PRKCH: variants seen among roughly 807,000 people sequenced by gnomAD.
PRKCH encodes the protein protein kinase C eta.
PRKCH carries 28 observed loss-of-function variants against 82.5 expected under a neutral mutation model. The ratio of observed to expected loss-of-function variants is 0.34; its 90% confidence interval spans 0.25 to 0.47. The LOEUF (loss-of-function observed/expected upper bound fraction) is 0.47, where lower values mean the gene tolerates loss of function less well. Among genes scored for constraint, PRKCH ranks in the 20% least tolerant of loss-of-function variants. PRKCH has a pLI of 1.00. For missense variants in PRKCH, 705 were observed against 881.8 expected (o/e 0.80, Z 2.54); for synonymous variants, 322 against 327.4 (o/e 0.98, Z 0.18).
intron 1 of PRKCH, among the ~76,000 whole-genome samples, chr14:61,334,211 C>T (rs1372091327): frequency 6.6e-6 from 1 of 152,172 alleles, no homozygotes; most frequent in Non-Finnish European, 1.5e-5. Context: ...AAGTATCTAC[C>T]TTGTGCCTGA....
intron 1 of PRKCH, among the ~76,000 whole-genome samples, chr14:61,341,085 C>G (rs146676874): frequency 6.6e-6 from 1 of 152,294 alleles, no homozygotes; most frequent in Non-Finnish European, 1.5e-5. Flanking sequence ...GATGAGCTGT[C>G]TAAAACTCAG....
At chr14:61,391,391 G>A in intron 2 of PRKCH, 103 bp downstream of exon 2, 1 of 1,024,296 alleles carries the variant, frequency 9.8e-7, no homozygotes, top group Non-Finnish European at 1.4e-6. Context: ...TGTTGTAAGA[G>A]ATGCTTAAAA....
At chr14:61,357,233 C>A (rs1254203381) in intron 1 of PRKCH, among the ~76,000 whole-genome samples, 1 of 152,216 alleles carries the variant, frequency 6.6e-6, no homozygotes, top group Non-Finnish European at 1.5e-5. Context: ...TTCTCCCATG[C>A]TATTTAACGA....
intron 10 of PRKCH, among the ~76,000 whole-genome samples, chr14:61,522,871 G>T (rs568934941): frequency 6.6e-6 from 1 of 152,236 alleles, no homozygotes; most frequent in Admixed American, 6.5e-5. Flanking sequence ...TGGATATCTC[G>T]TGTCAGGTGA....
At chr14:61,503,707 G>T (rs1356450732) in intron 10 of PRKCH, among the ~76,000 whole-genome samples, 1 of 152,118 alleles carries the variant, frequency 6.6e-6, no homozygotes, top group Non-Finnish European at 1.5e-5. Flanking sequence ...ACTGGGAAAG[G>T]AAGTGAATCT....
chr14:61,266,282 A>G (rs1236986315), intron 1 of PRKCH, among the ~76,000 whole-genome samples: 1 of 138,842 alleles, frequency 7.2e-6, no homozygotes, highest in Non-Finnish European at 1.6e-5. Context: ...GCTGGGTGTG[A>G]TGGCATGCAC....
At chr14:61,486,684 CT>C (rs944702915) in intron 10 of PRKCH, among the ~76,000 whole-genome samples, 22 of 141,350 alleles carry the variant, frequency 1.6e-4, no homozygotes, top group African/African-American at 4.9e-4. Context: ...TTCTTTCTTT[CT>C]TTTTTTTTTT....
At chr14:61,498,913 C>A (rs769323344) in intron 10 of PRKCH, among the ~76,000 whole-genome samples, 4 of 152,172 alleles carry the variant, frequency 2.6e-5, no homozygotes, top group Non-Finnish European at 4.4e-5. Flanking sequence ...TTACATTAAG[C>A]AACATGTTTT....
chr14:61,437,361 A>G (rs1179272370), intron 2 of PRKCH, among the ~76,000 whole-genome samples: 1 of 152,244 alleles, frequency 6.6e-6, no homozygotes, highest in Non-Finnish European at 1.5e-5. Context: ...ATATAAACCA[A>G]TAATATTTTC....
intron 1 of PRKCH, among the ~76,000 whole-genome samples, chr14:61,235,890 T>C (rs2044783713): frequency 6.6e-6 from 1 of 152,042 alleles, no homozygotes; most frequent in Non-Finnish European, 1.5e-5. Context: ...AAACTAAAAA[T>C]AAAATTCTAA....
chr14:61,197,581 C>T (rs967674747), intron 1 of PRKCH, among the ~76,000 whole-genome samples: 2 of 152,136 alleles, frequency 1.3e-5, no homozygotes, highest in Non-Finnish European at 2.9e-5. Flanking sequence ...ACCAGTTCCC[C>T]TCCCATGATA....
Position 61,530,550 on chromosome 14 carries a change from C to G in PRKCH, c.1716C>G (p.Val572=), listed in dbSNP as rs1245313064. The G allele has an allele frequency of 6.2e-7, 1 of 1,608,732 alleles. No homozygotes were observed. Among genetic ancestry groups the G allele is most frequent in the Admixed American group, 1.7e-5 (1 of 58,970 alleles). ...AGGCCATACTGAATGATGAGGTGGT[C>G]TACCCTACCTGGCTCCATGAAGATG... ...LFEAILNDEV[V]YPTWLHEDAT... Residue 572 remains valine, a synonymous_variant, in exon 12 of 14, where the codon GTC becomes GTG. Transcript: ENST00000332981.
intron 1 of PRKCH, among the ~76,000 whole-genome samples, chr14:61,268,554 G>A (rs1239270794): frequency 2.6e-5 from 4 of 152,056 alleles, no homozygotes; most frequent in Non-Finnish European, 4.4e-5. Context: ...TGTAGTCCCA[G>A]CTACTTGGGA....
At chr14:61,502,522 C>T (rs1886964003) in intron 10 of PRKCH, among the ~76,000 whole-genome samples, 1 of 152,140 alleles carries the variant, frequency 6.6e-6, no homozygotes, top group South Asian at 2.1e-4. Flanking sequence ...CTTTCCAGCA[C>T]TACTGCTCCA....
chr14:61,290,125 C>G (rs145346546), intron 1 of PRKCH, among the ~76,000 whole-genome samples: 5,168 of 152,158 alleles, frequency 0.034, 185 homozygotes, highest in African/African-American at 0.084. Flanking sequence ...AACCCTGTCT[C>G]TACTAAAAAT....
intron 1 of PRKCH, among the ~76,000 whole-genome samples, chr14:61,384,750 G>A (rs929401594): frequency 1.3e-5 from 2 of 152,012 alleles, no homozygotes; most frequent in African/African-American, 4.8e-5. Context: ...ATGCTTTCCC[G>A]AGTGGCTGCT....
chr14:61,413,814 A>G (rs1882413041), intron 2 of PRKCH, among the ~76,000 whole-genome samples: 1 of 152,212 alleles, frequency 6.6e-6, no homozygotes, highest in Non-Finnish European at 1.5e-5. Context: ...TCCAGCCGCT[A>G]CTTAAGCTCT....
At chr14:61,241,984 C>T (rs184952073) in intron 1 of PRKCH, among the ~76,000 whole-genome samples, 209 of 152,208 alleles carry the variant, frequency 1.4e-3, no homozygotes, top group African/African-American at 4.9e-3. Context: ...GCCACCTCCC[C>T]ATTACAAAAG....
chr14:61,460,533 T>C (rs1168440031), intron 9 of PRKCH, among the ~76,000 whole-genome samples: 2 of 152,234 alleles, frequency 1.3e-5, no homozygotes, highest in Non-Finnish European at 2.9e-5. Flanking sequence ...AAGTGCTTTA[T>C]GTCTGTTATT....
Sources: gnomAD v4.1 joint callset for allele counts (sites outside exome capture counted in the v4.1 genomes callset) on GRCh38, gnomAD v4.1.1 for gene constraint, MANE v1.5 for transcripts, NCBI Gene and HGNC (gene_info 2026-07-23, HGNC 2026-07-21) for gene names.